The following FES variants were observed in gnomAD, a reference collection of about 807,000 sequenced individuals.
FES encodes the protein FES proto-oncogene, tyrosine kinase, also known as tyrosine-protein kinase Fes/Fps.
Under a neutral mutation model 109.6 loss-of-function variants are expected in FES, and 83 were observed. That is an observed-to-expected ratio of 0.76 (90% confidence interval 0.63 to 0.91). The LOEUF is 0.91. FES is among the 40% of genes least tolerant of loss of function. The pLI is 0.00. For synonymous variants in FES, 458 were observed against 442.1 expected, an observed-to-expected ratio of 1.04 and a Z score of -0.45; for missense variants, 943 against 1,070.9, an observed-to-expected ratio of 0.88 and a Z score of 1.67.
At chr15:90,887,459 T>C (rs1421722334) in intron 5 of FES, 89 bp downstream of exon 5, 82 of 1,381,106 alleles carry the variant, frequency 5.9e-5, no homozygotes, top group Admixed American at 7.6e-5. Flanking sequence ...AGAAAATCCA[T>C]TGCTGGGAAG....
chr15:90,895,658 T>G lies in FES; in HGVS notation c.*100T>G. On this transcript the variant is annotated 3_prime_UTR_variant, in exon 19 of 19. Coordinates refer to ENST00000328850, the MANE Select transcript of FES (RefSeq NM_002005.4). ...CTGACAGCTCTTCACAGTCCTGGAC[T>G]CCTGCCACCAGCATCCACACTGCCG... 1 of 1,106,444 alleles carries G rather than the reference T, an allele frequency of 9.0e-7. No individual in the cohort carries two copies. The highest frequency in any genetic ancestry group is 1.2e-6 in the Non-Finnish European group (1 of 817,574). The allele number at this position is 1,106,444 out of a possible 1,614,324, so 68.5% of individuals were successfully genotyped here.
At chr15:90,885,382 C>G (rs1229575971) in intron 2 of FES, 30 bp from the exon 3 acceptor site, 5 of 1,599,472 alleles carry the variant, frequency 3.1e-6, no homozygotes, top group East Asian at 2.2e-5. Context: ...TTGTGCCCCC[C>G]TCCCTGCCTC....
intron 11 of FES, 172 bp from the exon 12 acceptor site, chr15:90,891,382 C>T (rs1034796020): frequency 1.0e-5 from 11 of 1,078,752 alleles, no homozygotes; most frequent in Non-Finnish European, 1.2e-5. Flanking sequence ...GTGAGTCCTC[C>T]CCTGGTGGGG....
chr15:90,893,163 G>C lies in FES; in HGVS notation c.1890G>C (p.Gln630His). 1 of 1,614,024 alleles carries C rather than the reference G, an allele frequency of 6.2e-7. No homozygotes were observed. The highest frequency in any genetic ancestry group is 1.1e-5 in the South Asian group (1 of 91,068). Residue 630 changes from glutamine (Q) to histidine (H), a missense_variant, in exon 15 of 19, where the codon CAG becomes CAC. Gln to His is a conservative substitution (Grantham distance 24). Coordinates refer to ENST00000328850, the MANE Select transcript of FES (RefSeq NM_002005.4). The stretch of plus-strand genomic sequence containing the variant: ...TCATTGGTGTCTGCACCCAGAAGCA[G>C]CCCATCTACATCGTCATGGAGCTTG... ...VRLIGVCTQK[Q>H]PIYIVMELVQ... is the part of the protein sequence containing the mutation.
chr15:90,886,142 C>T (rs995616993), intron 3 of FES, among the ~76,000 whole-genome samples: 1 of 152,248 alleles, frequency 6.6e-6, no homozygotes, highest in Admixed American at 6.5e-5. Flanking sequence ...CTGCACCACA[C>T]CCCTTCCTCA....
chr15:90,887,685 G>A (rs1448588086), intron 5 of FES, among the ~76,000 whole-genome samples: 2 of 152,158 alleles, frequency 1.3e-5, no homozygotes, highest in Non-Finnish European at 2.9e-5. Flanking sequence ...AGGATGTGAG[G>A]AGCACTAAGA....
Position 90,893,359 on chromosome 15 carries a change from G to C in FES, c.1990G>C (p.Val664Leu), listed in dbSNP as rs757770224. Residue 664 changes from valine (V) to leucine (L), a missense_variant, in exon 16 of 19, where the codon GTG becomes CTG. Val to Leu is a conservative substitution (Grantham distance 32). Transcript: ENST00000328850. ...GCGGGTGAAGACTCTGCTGCAGATG[G>C]TGGGGGATGCAGCTGCTGGCATGGA... Reference protein sequence around the residue: ...RLRVKTLLQMVGDAAAGMEYL... With the variant: ...RLRVKTLLQMLGDAAAGMEYL... The C allele has an allele frequency of 6.4e-7, 1 of 1,566,282 alleles. No homozygotes were observed. Among genetic ancestry groups the C allele is most frequent in the Non-Finnish European group, 8.6e-7 (1 of 1,156,328 alleles).
At chr15:90,890,041 G>A (rs560564854) in intron 8 of FES, 51 bp from the exon 9 acceptor site, 1,141 of 1,579,296 alleles carry the variant, frequency 7.2e-4, no homozygotes, top group Non-Finnish European at 9.4e-4. Flanking sequence ...GCTACCCGCC[G>A]CAGACCGAGC....
rs753965684 is a variant in FES at position 90,890,965 on chromosome 15, G to C, written c.1321-17G>C. ...CAAGGTGGTTAAGTGACTCCTCCTC[G>C]ATCCTCCCTTGCCCAGCTCCCTCCA... On this transcript the variant is annotated splice_polypyrimidine_tract_variant and intron_variant, in intron 10 of 18. Transcript: ENST00000328850. 2.6e-6 allele frequency: 4 copies of C among 1,564,904 alleles called. No individual in the cohort carries two copies. The highest frequency in any genetic ancestry group is 1.3e-5 in the African/African-American group (1 of 74,152).
intron 9 of FES, 45 bp from the exon 10 acceptor site, chr15:90,890,356 C>G: frequency 2.5e-6 from 4 of 1,599,216 alleles, no homozygotes; most frequent in Non-Finnish European, 3.4e-6. Flanking sequence ...TCGCCCTCCC[C>G]CTCCCTAAGC....
Position 90,889,608 on chromosome 15 carries a change from G to A in FES, c.898G>A (p.Glu300Lys), listed in dbSNP as rs1055008422. The change falls in exon 7 of 19, where the codon GAG becomes AAG. Residue 300 changes from glutamate (E) to lysine (K), a missense_variant. Glu to Lys is a moderately conservative substitution (Grantham distance 56). Transcript: ENST00000328850. This position sits in a 1 kb window ranked among gnomAD's most constrained non-coding sequence, Gnocchi z 6.1. ...PLEPGELQLN[E>K]LTVESVQHTL... ...GGAGCCTGGGGAGCTCCAGCTGAAC[G>A]AGCTGACTGTGGAGAGCGTGCAGCA... is the stretch of plus-strand genomic sequence containing the variant. 3 of 1,613,518 alleles carry A rather than the reference G, an allele frequency of 1.9e-6. No homozygotes were observed. The highest frequency in any genetic ancestry group is 2.5e-6 in the Non-Finnish European group (3 of 1,180,010).
chr15:90,889,503 G>A lies in FES; in HGVS notation c.807-14G>A, dbSNP rs774715638. The A allele has an allele frequency of 5.6e-6, 9 of 1,613,856 alleles. 1 individual carries two copies. In the South Asian group the frequency reaches 7.7e-5, roughly 14 times the overall value. On this transcript the variant is annotated splice_polypyrimidine_tract_variant and intron_variant, in intron 6 of 18. Coordinates refer to ENST00000328850, the MANE Select transcript of FES (RefSeq NM_002005.4). The surrounding 1 kb of genome is among the most constrained non-coding windows in gnomAD (Gnocchi z 6.1). ...CTGCTGGCCTGTCCACTGACGGGGCGCTGTCCCCCACAGGTCCGCACCTGA... is the reference window on the plus strand; with the variant it reads ...CTGCTGGCCTGTCCACTGACGGGGCACTGTCCCCCACAGGTCCGCACCTGA...
rs890814829 is a variant in FES, at chr15:90,890,926, C to G, written c.1321-56C>G. ...GGAGAGAGAGACCCCCGGCTGCCCC[C>G]ACGGCCTCTTCAACAAGGTGGTTAA... On this transcript the variant is annotated intron_variant, in intron 10 of 18. Coordinates refer to ENST00000328850, the MANE Select transcript of FES (RefSeq NM_002005.4). 7.3e-6 allele frequency: 11 copies of G among 1,506,338 alleles called. No individual in the cohort carries two copies. In the African/African-American group the frequency reaches 8.3e-5, roughly 11 times the overall value. 93.3% of individuals were successfully genotyped at this position (1,506,338 alleles called of 1,614,324 possible).
In FES at chr15:90,885,082, C is replaced by T. The variant is rs1457673376; in HGVS notation, c.37C>T (p.His13Tyr). ...TTCCGAGCTGTGCAGCCCCCAGGGC[C>T]ACGGGGTCCTGCAGCAAATGCAGGA... ...FSSELCSPQG[H>Y]GVLQQMQEAE... Residue 13 changes from histidine to tyrosine, a missense_variant, in exon 2 of 19, where the codon CAC (histidine) becomes TAC (tyrosine). Coordinates refer to ENST00000328850, the MANE Select transcript of FES (RefSeq NM_002005.4). 2 of 1,613,388 alleles carry T rather than the reference C, an allele frequency of 1.2e-6. No homozygotes were observed. Among genetic ancestry groups the T allele is most frequent in the South Asian group, 1.1e-5 (1 of 91,084 alleles).
chr15:90,891,204 G>A lies in FES; in HGVS notation c.1530+13G>A. ...CCAGTCCTTGGATGTGAGTGGGGCT[G>A]GGACCCGAGCCTTCCAGGCCTCACT... is the stretch of plus-strand genomic sequence containing the variant. On this transcript the variant is annotated intron_variant, in intron 11 of 18. Transcript: ENST00000328850. 1 of 1,549,758 alleles carries A rather than the reference G, an allele frequency of 6.5e-7. No individual in the cohort carries two copies. The highest frequency in any genetic ancestry group is 8.7e-7 in the Non-Finnish European group (1 of 1,147,596).
chr15:90,890,015 A>G (rs1420027037), intron 8 of FES, 53 bp downstream of exon 8: 3 of 1,589,254 alleles, frequency 1.9e-6, no homozygotes, highest in Non-Finnish European at 2.6e-6. Context: ...CCTCCTACCT[A>G]CCCTAACTGC....
At chr15:90,893,489 C>T in intron 16 of FES, 75 bp downstream of exon 16, 1 of 1,501,310 alleles carries the variant, frequency 6.7e-7, no homozygotes, top group Non-Finnish European at 8.9e-7. Flanking sequence ...CCTAGGGCCC[C>T]CCGCTGGACC....
In FES at chr15:90,890,006, C is replaced by T. The variant is rs902404347; in HGVS notation, c.1049+44C>T. ...GCAGCAGCCTCCTGGGCCTCCCTCC[C>T]TCCTACCTACCCTAACTGCTGCTGG... is the stretch of plus-strand genomic sequence containing the variant. On this transcript the variant is annotated intron_variant, in intron 8 of 18. Transcript: ENST00000328850. 4 of 1,600,036 alleles carry T rather than the reference C, an allele frequency of 2.5e-6. No homozygotes were observed. In the Admixed American group the frequency reaches 5.0e-5, roughly 20 times the overall value.
chr15:90,890,587 T>C, intron 10 of FES, 103 bp downstream of exon 10: 7 of 1,037,724 alleles, frequency 6.7e-6, no homozygotes, highest in East Asian at 2.6e-5. Context: ...TATTGGGAAG[T>C]TCCTCTCTTC....
Sources: gnomAD v4.1 joint callset for allele counts (sites outside exome capture counted in the v4.1 genomes callset) on GRCh38, gnomAD v4.1.1 for gene constraint, Gnocchi (gnomAD v3.1) non-coding constraint, MANE v1.5 for transcripts, NCBI Gene and HGNC (gene_info 2026-07-23, HGNC 2026-07-21) for gene names.